MEIOSIN: variants seen among roughly 807,000 people sequenced by gnomAD.
MEIOSIN encodes the protein meiosis initiator protein.
Under a neutral mutation model 23.4 loss-of-function variants are expected in MEIOSIN, and 18 were observed. The ratio of observed to expected loss-of-function variants is 0.77; its 90% CI spans 0.53 to 1.14. MEIOSIN has a LOEUF of 1.14. Ranked by LOEUF, MEIOSIN falls within the 50% of genes most tolerant of loss-of-function variation. The probability of loss-of-function intolerance (pLI) is 0.00; values close to 1 mark genes in which losing one functional copy is unlikely to be tolerated. For missense variants in MEIOSIN, 428 were observed against 242.9 expected (o/e 1.76, Z -5.07); for synonymous variants, 187 against 100.6 (o/e 1.86, Z -5.14).
intron 6 of MEIOSIN, among the ~76,000 whole-genome samples, chr19:45,754,225 C>T (rs1968771119): frequency 6.6e-6 from 1 of 152,176 alleles, no homozygotes; most frequent in Admixed American, 6.5e-5. Flanking sequence ...AATCTGCCTG[C>T]CTCGGCCTCC....
intron 4 of MEIOSIN, among the ~76,000 whole-genome samples, chr19:45,746,649 G>A (rs574046196): frequency 2.0e-5 from 3 of 151,980 alleles, no homozygotes; most frequent in South Asian, 2.1e-4. Flanking sequence ...GTGAAACCCC[G>A]TCTCTACTAA....
intron 3 of MEIOSIN, among the ~76,000 whole-genome samples, chr19:45,743,459 C>T (rs564719625): frequency 3.3e-5 from 5 of 152,176 alleles, no homozygotes; most frequent in African/African-American, 1.2e-4. Context: ...AGGATAGAAC[C>T]CCAACACCCC....
chr19:45,753,072 C>T (rs902916915), intron 5 of MEIOSIN, among the ~76,000 whole-genome samples: 2 of 151,986 alleles, frequency 1.3e-5, no homozygotes, highest in Admixed American at 6.6e-5. Flanking sequence ...TACAGGCACC[C>T]GCCACCACAC....
intron 4 of MEIOSIN, among the ~76,000 whole-genome samples, chr19:45,748,239 G>C (rs565911513): frequency 6.6e-6 from 1 of 152,180 alleles, no homozygotes; most frequent in South Asian, 2.1e-4. Context: ...CACCACGCCC[G>C]GCCAATTAGT....
rs1968884500 is a variant in MEIOSIN, at chr19:45,758,748, C to T, written c.1013-130C>T. On this transcript the variant is annotated intron_variant, in intron 9 of 14. Coordinates refer to ENST00000457052, the MANE Select transcript of MEIOSIN (RefSeq NM_001310124.2). The stretch of plus-strand genomic sequence containing the variant: ...CCGGCTGCCTCTTCATTTCTGTGAT[C>T]AAGAATTCAAAATGAGAAACTGAGA... 5 of 607,032 alleles carry T rather than the reference C, an allele frequency of 8.2e-6. No individual in the cohort carries two copies. In the Admixed American group the frequency reaches 1.3e-4, roughly 16 times the overall value. 37.6% of individuals were successfully genotyped at this position (607,032 alleles called of 1,614,324 possible).
chr19:45,758,358 T>G (rs1968873487), intron 9 of MEIOSIN, among the ~76,000 whole-genome samples: 1 of 151,884 alleles, frequency 6.6e-6, no homozygotes, highest in African/African-American at 2.4e-5. Context: ...TTGCACATTA[T>G]GATATTGATT....
At chr19:45,754,278 G>A (rs1488080639) in intron 6 of MEIOSIN, among the ~76,000 whole-genome samples, 1 of 152,208 alleles carries the variant, frequency 6.6e-6, no homozygotes, top group Non-Finnish European at 1.5e-5. Context: ...CGCCTGGCCA[G>A]TGTTTTTTAA....
intron 9 of MEIOSIN, among the ~76,000 whole-genome samples, chr19:45,758,641 G>A (rs1036188468): frequency 1.3e-5 from 2 of 152,156 alleles, no homozygotes; most frequent in African/African-American, 4.8e-5. Context: ...TGTTAGCCAG[G>A]CTGGTCTTGA....
chr19:45,741,002 T>TATG (rs1176642191), intron 3 of MEIOSIN, among the ~76,000 whole-genome samples: 2 of 152,178 alleles, frequency 1.3e-5, no homozygotes, highest in African/African-American at 4.8e-5. Context: ...AGCGCAGCAT[T>TATG]ATGGCTTCTG....
chr19:45,752,456 C>T (rs1968732091), intron 5 of MEIOSIN, among the ~76,000 whole-genome samples: 1 of 152,162 alleles, frequency 6.6e-6, no homozygotes, highest in Non-Finnish European at 1.5e-5. Context: ...ATCCACCCAT[C>T]TCAGCCTCCT....
intron 11 of MEIOSIN, among the ~76,000 whole-genome samples, chr19:45,760,242 C>T (rs892596722): frequency 6.6e-6 from 1 of 151,984 alleles, no homozygotes; most frequent in East Asian, 1.9e-4. Context: ...CTGACGTAGG[C>T]GGATCACCTG....
chr19:45,734,370 A>C (rs540565460), intron 1 of MEIOSIN, among the ~76,000 whole-genome samples: 1 of 152,234 alleles, frequency 6.6e-6, no homozygotes, highest in East Asian at 1.9e-4. Context: ...TTATCTTAGG[A>C]TATAGGTTCA....
rs573325393 is a variant in MEIOSIN, at chr19:45,759,414, C to T, written c.1169C>T (p.Ala390Val). The change falls in exon 11 of 15, where the codon GCG becomes GTG. Residue 390 changes from alanine (A) to valine (V), a missense_variant and splice_region_variant. Physicochemically the swap from Ala to Val is moderately conservative, Grantham distance 64. Transcript: ENST00000457052. The part of the protein sequence containing the change: ...LEDDMEYLTQ[A>V]AFFEEVCLDL... Reference sequence around the variant, plus strand: ...CTGCCCCTCTGGTCTCCCTCCCTAGCGGCTTTCTTTGAAGAAGTGTGCTTA... The same window carrying T: ...CTGCCCCTCTGGTCTCCCTCCCTAGTGGCTTTCTTTGAAGAAGTGTGCTTA... The T allele has an allele frequency of 2.1e-5, 15 of 703,404 alleles. No homozygotes were observed. Among genetic ancestry groups the T allele is most frequent in the South Asian group, 1.5e-4 (10 of 67,588 alleles). The allele number at this position is 703,404 out of a possible 1,614,324, so 43.6% of individuals were successfully genotyped here.
intron 11 of MEIOSIN, among the ~76,000 whole-genome samples, chr19:45,761,096 T>G (rs1428315068): frequency 6.6e-6 from 1 of 150,584 alleles, no homozygotes; most frequent in Non-Finnish European, 1.5e-5. Context: ...GCTGGTTTTT[T>G]AAATTATTTT....
chr19:45,759,375 C>G, intron 10 of MEIOSIN, 39 bp from the exon 11 acceptor site: 1 of 702,420 alleles, frequency 1.4e-6, no homozygotes, highest in Non-Finnish European at 2.6e-6. Context: ...GTGGGAGAAG[C>G]ATTTCCACTC....
Position 45,756,048 on chromosome 19 carries a change from A to T in MEIOSIN, c.881A>T (p.His294Leu), listed in dbSNP as rs1385661924. Residue 294 changes from histidine (H) to leucine (L), a missense_variant, in exon 8 of 15, where the codon CAT (histidine) becomes CTT (leucine). Transcript: ENST00000457052. Reference sequence around the variant, plus strand: ...GCTCAGGAAGATGTGGCGAGGATCCATTTTCTCAACAAGACCCAGCCCCAT... The same window carrying T: ...GCTCAGGAAGATGTGGCGAGGATCCTTTTTCTCAACAAGACCCAGCCCCAT... Reference protein sequence around the residue: ...LLAQEDVARIHFLNKTQPHPR... With the variant: ...LLAQEDVARILFLNKTQPHPR... 5.7e-6 allele frequency: 4 copies of T among 702,618 alleles called. No homozygotes were observed. The African/African-American group carries it at 7.0e-5, about 12-fold the overall frequency. 43.5% of individuals were successfully genotyped at this position (702,618 alleles called of 1,614,324 possible).
In MEIOSIN at chr19:45,763,352, C is replaced by T; in HGVS notation, c.1694C>T (p.Thr565Ile). Residue 565 changes from threonine (T) to isoleucine (I), a missense_variant, in exon 14 of 15, where the codon ACC (threonine) becomes ATC (isoleucine). Transcript: ENST00000457052. ...RKQYIRSCPG[T>I]ASTAATKELA... ...TCCTGTCCCAGATCCTGCCCTGGAA[C>T]CGCTTCCACAGCTGCCACCAAGGAG... is the stretch of plus-strand genomic sequence containing the variant. 2.5e-6 allele frequency: 1 copy of T among 398,908 alleles called. No homozygotes were observed. Among genetic ancestry groups the T allele is most frequent in the East Asian group, 3.6e-5 (1 of 28,082 alleles). 24.7% of individuals were successfully genotyped at this position (398,908 alleles called of 1,614,324 possible). A position where few individuals can be genotyped will look rare whatever the true frequency, so the allele number is the denominator to read the frequency against.
At position 45,761,931 on chromosome 19, in the gene MEIOSIN, T is replaced by C. The variant is rs1374876989; in HGVS notation, c.1435-8T>C. On this transcript the variant is annotated splice_polypyrimidine_tract_variant and splice_region_variant and intron_variant, in intron 12 of 14. Transcript: ENST00000457052. ...CCTTCCTCTCTCACCACCCTCTCCC[T>C]CCCCCAGGATATGCAGGCCAACCCT... is the stretch of plus-strand genomic sequence containing the variant. The C allele has an allele frequency of 5.1e-6, 3 of 590,852 alleles. No individual in the cohort carries two copies. The highest frequency in any genetic ancestry group is 1.9e-5 in the African/African-American group (1 of 53,324). The allele number at this position is 590,852 out of a possible 1,614,324, so 36.6% of individuals were successfully genotyped here. A position where few individuals can be genotyped will look rare whatever the true frequency, so the allele number is the denominator to read the frequency against.
rs1323024005 is a variant in MEIOSIN at position 45,739,746 on chromosome 19, A to G, written c.176+16A>G. ...GAAAACTGAGGTACTGTTAACAGAA[A>G]AGGGGGGATTGGATGTTGGCCAAGC... On this transcript the variant is annotated intron_variant, in intron 3 of 14. Coordinates refer to ENST00000457052, the MANE Select transcript of MEIOSIN (RefSeq NM_001310124.2). 1 of 703,458 alleles carries G rather than the reference A, an allele frequency of 1.4e-6. No homozygotes were observed. The highest frequency in any genetic ancestry group is 2.6e-6 in the Non-Finnish European group (1 of 385,102). The allele number at this position is 703,458 out of a possible 1,614,324, so 43.6% of individuals were successfully genotyped here.
Sources: gnomAD v4.1 joint callset for allele counts (sites outside exome capture counted in the v4.1 genomes callset) on GRCh38, gnomAD v4.1.1 for gene constraint, MANE v1.5 for transcripts, NCBI Gene and HGNC (gene_info 2026-07-23, HGNC 2026-07-21) for gene names.